MARK3: variants seen among roughly 807,000 people sequenced by gnomAD.
MARK3 encodes the protein MAP/microtubule affinity-regulating kinase 3.
A neutral mutation model predicts 90.1 loss-of-function variants in MARK3; 46 were observed. That is an observed-to-expected ratio of 0.51 (90% confidence interval 0.40 to 0.65). The LOEUF (loss-of-function observed/expected upper bound fraction) is 0.65, where lower values mean the gene tolerates loss of function less well. Among genes scored for constraint, MARK3 ranks in the 30% least tolerant of loss-of-function variants. MARK3 has a pLI of 0.00. For synonymous variants in MARK3, 321 were observed against 332.6 expected (o/e 0.97, Z 0.38); for missense variants, 818 against 947.2 (o/e 0.86, Z 1.79).
At chr14:103,499,818 C>T in intron 16 of MARK3, 1 of 274,510 alleles carries the variant, frequency 3.6e-6, no homozygotes, top group South Asian at 4.2e-5. Flanking sequence ...GCCGAGTGTG[C>T]TCAGGCTGAA....
chr14:103,465,824 A>T, intron 8 of MARK3, 31 bp downstream of exon 8: 2 of 1,578,196 alleles, frequency 1.3e-6, no homozygotes, highest in African/African-American at 2.7e-5. Flanking sequence ...GTACTTCACT[A>T]AACTAAAAGA....
chr14:103,407,620 G>A (rs1340466977), intron 2 of MARK3, among the ~76,000 whole-genome samples: 1 of 137,034 alleles, frequency 7.3e-6, no homozygotes, highest in African/African-American at 2.8e-5. Context: ...GAGTGCAGTG[G>A]TGTGATCTCA....
rs1223938587 is a variant in MARK3, at chr14:103,428,380, T to C, written c.244-7T>C. On this transcript the variant is annotated splice_region_variant and splice_polypyrimidine_tract_variant and intron_variant, in intron 2 of 17. Coordinates refer to ENST00000429436, the MANE Select transcript of MARK3 (RefSeq NM_001128918.3). ...TAAAATCCATAAATATTTATTATTC[T>C]TTCTAGGTTGCAATAAAAATAATTG... 5.1e-6 allele frequency: 7 copies of C among 1,366,030 alleles called. No homozygotes were observed. Among genetic ancestry groups the C allele is most frequent in the Non-Finnish European group, 7.1e-6 (7 of 992,374 alleles). 84.6% of individuals were successfully genotyped at this position (1,366,030 alleles called of 1,614,324 possible).
chr14:103,434,550 C>T (rs186785877), intron 3 of MARK3, among the ~76,000 whole-genome samples: 1 of 152,298 alleles, frequency 6.6e-6, no homozygotes, highest in Non-Finnish European at 1.5e-5. Flanking sequence ...GCATGCAGTC[C>T]ACAACTTCTC....
chr14:103,433,678 G>C (rs1014475376), intron 3 of MARK3, among the ~76,000 whole-genome samples: 2 of 152,014 alleles, frequency 1.3e-5, no homozygotes, highest in African/African-American at 4.8e-5. Flanking sequence ...GTGAGACTCT[G>C]CCTCAAAAAA....
At chr14:103,458,608 A>C in intron 6 of MARK3, 1 of 493,288 alleles carries the variant, frequency 2.0e-6, no homozygotes, top group Admixed American at 3.7e-5. Context: ...AGACGAAGGA[A>C]AGGAGCAGTG....
intron 12 of MARK3, among the ~76,000 whole-genome samples, chr14:103,473,127 T>C (rs1032061000): frequency 4.6e-5 from 7 of 152,196 alleles, no homozygotes; most frequent in Non-Finnish European, 1.0e-4. Flanking sequence ...ATAACATTCT[T>C]GAAATGACAG....
intron 3 of MARK3, among the ~76,000 whole-genome samples, chr14:103,440,442 C>T (rs2092821544): frequency 6.6e-6 from 1 of 152,138 alleles, no homozygotes; most frequent in Non-Finnish European, 1.5e-5. Context: ...TAAGAGAGCA[C>T]AAGTAATGTA....
rs1243165419 is a variant in MARK3, at chr14:103,465,693, G to A, written c.677G>A (p.Gly226Asp). 2 of 1,614,106 alleles carry A rather than the reference G, an allele frequency of 1.2e-6. No homozygotes were observed. Among genetic ancestry groups the A allele is most frequent in the South Asian group, 1.1e-5 (1 of 91,082 alleles). ...TACGCAGCACCTGAGCTCTTCCAGG[G>A]CAAGAAATATGACGGGCCAGAAGTG... ...PPYAAPELFQ[G>D]KKYDGPEVDV... Residue 226 changes from glycine to aspartate, a missense_variant, in exon 8 of 18, where the codon GGC becomes GAC. Physicochemically the swap from Gly to Asp is moderately conservative, Grantham distance 94. Coordinates refer to ENST00000429436, the MANE Select transcript of MARK3 (RefSeq NM_001128918.3).
intron 2 of MARK3, among the ~76,000 whole-genome samples, chr14:103,426,854 C>T (rs1451054070): frequency 6.6e-6 from 1 of 151,282 alleles, no homozygotes; most frequent in South Asian, 2.1e-4. Context: ...GACCTAATTC[C>T]CTTTCCTTCT....
chr14:103,399,713 GAAAAAAAAAAAAAA>G (rs1220788697), intron 1 of MARK3, among the ~76,000 whole-genome samples: 1 of 121,214 alleles, frequency 8.2e-6, no homozygotes, highest in Non-Finnish European at 1.6e-5. Context: ...AAAAAAAAAA[GAAAAAAAAAAAAAA>G]GAAAGGAATT....
intron 14 of MARK3, among the ~76,000 whole-genome samples, chr14:103,484,940 G>A (rs1183639711): frequency 1.3e-5 from 2 of 150,992 alleles, no homozygotes; most frequent in East Asian, 2.0e-4. Context: ...AAAAAGGGCT[G>A]AGCACAGTGG....
intron 15 of MARK3, among the ~76,000 whole-genome samples, chr14:103,494,929 G>A (rs1218348224): frequency 6.6e-6 from 1 of 152,102 alleles, no homozygotes; most frequent in African/African-American, 2.4e-5. Context: ...TATGTGCTAA[G>A]GTAGATGTCT....
intron 2 of MARK3, among the ~76,000 whole-genome samples, chr14:103,423,261 A>C (rs1335844533): frequency 3.6e-5 from 5 of 137,902 alleles, no homozygotes; most frequent in African/African-American, 1.4e-4. Context: ...TTTCAGAAAC[A>C]GGGTGTTAGG....
intron 12 of MARK3, among the ~76,000 whole-genome samples, chr14:103,471,576 C>T (rs2093625633): frequency 6.6e-6 from 1 of 152,136 alleles, no homozygotes; most frequent in Non-Finnish European, 1.5e-5. Flanking sequence ...CTAACTTTCA[C>T]CTCATCCTCC....
At chr14:103,481,307 A>G (rs2093814070) in intron 14 of MARK3, among the ~76,000 whole-genome samples, 1 of 152,216 alleles carries the variant, frequency 6.6e-6, no homozygotes, top group African/African-American at 2.4e-5. Context: ...AAGAGCAGTA[A>G]GTGTACATCA....
intron 15 of MARK3, among the ~76,000 whole-genome samples, chr14:103,494,070 C>T (rs1165626108): frequency 6.6e-6 from 1 of 150,906 alleles, no homozygotes; most frequent in Non-Finnish European, 1.5e-5. Context: ...CCCATCTCTA[C>T]TAAAAATACA....
chr14:103,410,155 G>A (rs778500794), intron 2 of MARK3, among the ~76,000 whole-genome samples: 18 of 152,344 alleles, frequency 1.2e-4, no homozygotes, highest in Middle Eastern at 3.4e-3. Context: ...CAGGGACTAG[G>A]TAATTTATAA....
At chr14:103,409,909 C>G (rs2091534585) in intron 2 of MARK3, among the ~76,000 whole-genome samples, 2 of 152,062 alleles carry the variant, frequency 1.3e-5, no homozygotes, top group African/African-American at 4.8e-5. Context: ...ATTGCGTGTC[C>G]TTGTTAAGTG....
Sources: gnomAD v4.1 joint callset for allele counts (sites outside exome capture counted in the v4.1 genomes callset) on GRCh38, gnomAD v4.1.1 for gene constraint, MANE v1.5 for transcripts, NCBI Gene and HGNC (gene_info 2026-07-23, HGNC 2026-07-21) for gene names.